Variants in TLN2 observed in about 807,000 individuals in gnomAD.
The protein encoded by TLN2 is talin 2.
Under a neutral mutation model 294.7 loss-of-function variants are expected in TLN2, and 118 were observed. The ratio of observed to expected loss-of-function variants is 0.40; its 90% confidence interval spans 0.34 to 0.47. The LOEUF (loss-of-function observed/expected upper bound fraction) is 0.47. Ranked by LOEUF, TLN2 falls within the 20% of genes least tolerant of loss-of-function variation. The pLI is 0.84. For synonymous variants in TLN2, 1,431 were observed against 1,304.5 expected, an observed-to-expected ratio of 1.10 and a Z score of -2.09; for missense variants, 3,083 against 3,282.2, an observed-to-expected ratio of 0.94 and a Z score of 1.48.
intron 11 of TLN2, among the ~76,000 whole-genome samples, chr15:62,683,533 G>A (rs970896370): frequency 2.6e-4 from 37 of 144,428 alleles, no homozygotes; most frequent in African/African-American, 8.1e-4. Context: ...GCATTCTCCC[G>A]CCTCTCATTG....
In TLN2 at chr15:62,785,650, C is replaced by CAAAAAAA. The variant is rs10681127; in HGVS notation, c.5736+1770_5736+1776dup. 1.7e-5 allele frequency among the ~76,000 whole-genome samples: 2 copies of CAAAAAAA among 120,210 alleles called. 1 individual carries two copies. The highest frequency in any genetic ancestry group is 6.4e-5 in the African/African-American group (2 of 31,044). The allele number at this position is 120,210 out of a possible 152,430, so 78.9% of individuals were successfully genotyped here. On this transcript the variant is annotated intron_variant, in intron 45 of 58. Coordinates refer to ENST00000636159, the MANE Select transcript of TLN2 (RefSeq NM_015059.3). ...TAGGCAACAGAATGAGACTCCATCTCAAAAAAAAAAAAAAAAGGGGAAGAA... is the reference window on the plus strand; with the variant it reads ...TAGGCAACAGAATGAGACTCCATCTCAAAAAAAAAAAAAAAAAAAAAAAGGGGAAGAA...
intron 52 of TLN2, among the ~76,000 whole-genome samples, chr15:62,815,645 C>T (rs2067052187): frequency 6.6e-6 from 1 of 152,112 alleles, no homozygotes; most frequent in Non-Finnish European, 1.5e-5. Flanking sequence ...GTGTCTTAGC[C>T]TTGTTCTGTT....
chr15:62,706,771 G>C (rs1487562498), intron 19 of TLN2, among the ~76,000 whole-genome samples: 1 of 152,192 alleles, frequency 6.6e-6, no homozygotes, highest in East Asian at 1.9e-4. Context: ...ACTCATTCAA[G>C]AGACGTGGTC....
chr15:62,437,037 T>A (rs983968432), intron 1 of TLN2, among the ~76,000 whole-genome samples: 1 of 152,270 alleles, frequency 6.6e-6, no homozygotes, highest in Non-Finnish European at 1.5e-5. Flanking sequence ...CCCAATTGTA[T>A]GATTTCTCTT....
chr15:62,411,121 T>C (rs2033751063), intron 1 of TLN2, among the ~76,000 whole-genome samples: 1 of 152,140 alleles, frequency 6.6e-6, no homozygotes, highest in Admixed American at 6.5e-5. Context: ...CCCTCATGGA[T>C]AGCACAGTCT....
intron 1 of TLN2, among the ~76,000 whole-genome samples, chr15:62,442,756 C>A (rs781653724): frequency 6.6e-6 from 1 of 152,084 alleles, no homozygotes; most frequent in Non-Finnish European, 1.5e-5. Context: ...CAAATTACTA[C>A]ACATTTAGTA....
rs144272087 is a variant in TLN2 at position 62,419,303 on chromosome 15, T to A, written c.-238+28618T>A. Among the ~76,000 whole-genome samples the A allele has an allele frequency of 1.8e-4, 27 of 152,328 alleles. No individual in the cohort carries two copies. In the East Asian group the frequency reaches 5.0e-3, roughly 28 times the overall value. Reference sequence around the variant, plus strand: ...GTTTTAAAACGTGGCTACTGGAAAATTTAAAATCACATACACAGCTCACAT... The same window carrying A: ...GTTTTAAAACGTGGCTACTGGAAAAATTAAAATCACATACACAGCTCACAT... On this transcript the variant is annotated intron_variant, in intron 1 of 58. Transcript: ENST00000636159.
At chr15:62,537,892 A>G (rs1446717264) in intron 1 of TLN2, among the ~76,000 whole-genome samples, 1 of 152,118 alleles carries the variant, frequency 6.6e-6, no homozygotes, top group African/African-American at 2.4e-5. Context: ...CCATTCCCTC[A>G]TTCTGCCACA....
intron 17 of TLN2, 152 bp from the exon 18 acceptor site, chr15:62,701,840 A>G (rs1056666960): frequency 8.6e-5 from 71 of 824,890 alleles, no homozygotes; most frequent in Admixed American, 1.4e-4. Context: ...CCTCGGAGAC[A>G]GGGAGCAGGC....
At chr15:62,706,964 TA>T (rs1432784047) in intron 19 of TLN2, 121 bp from the exon 20 acceptor site, 12 of 1,241,110 alleles carry the variant, frequency 9.7e-6, no homozygotes, top group Admixed American at 3.1e-5. Flanking sequence ...CAAAAAAAAG[TA>T]AAAAAACTTC....
intron 2 of TLN2, among the ~76,000 whole-genome samples, chr15:62,597,789 A>G (rs2140766684): frequency 6.6e-6 from 1 of 152,272 alleles, no homozygotes; most frequent in East Asian, 1.9e-4. Context: ...AAGTTTATTT[A>G]TGTTTTACAT....
chr15:62,538,658 G>C (rs975568628), intron 1 of TLN2, among the ~76,000 whole-genome samples: 1 of 152,158 alleles, frequency 6.6e-6, no homozygotes, highest in Non-Finnish European at 1.5e-5. Context: ...TTAATGTGCA[G>C]TTTCTAGGAG....
intron 4 of TLN2, among the ~76,000 whole-genome samples, chr15:62,649,456 C>T (rs371271091): frequency 6.1e-4 from 93 of 152,218 alleles, no homozygotes; most frequent in African/African-American, 2.0e-3. Context: ...TGGTACTGCT[C>T]CTCTCCTGCC....
chr15:62,822,850 G>A (rs2067692326), intron 54 of TLN2, among the ~76,000 whole-genome samples: 1 of 152,190 alleles, frequency 6.6e-6, no homozygotes, highest in African/African-American at 2.4e-5. Flanking sequence ...CACAGATGAA[G>A]AAAATAAGTA....
At chr15:62,537,760 A>T (rs2041445430) in intron 1 of TLN2, among the ~76,000 whole-genome samples, 1 of 152,134 alleles carries the variant, frequency 6.6e-6, no homozygotes, top group African/African-American at 2.4e-5. Flanking sequence ...GCAACTTCAA[A>T]CCTGATTGAC....
chr15:62,528,597 A>G (rs1268523608), intron 1 of TLN2, among the ~76,000 whole-genome samples: 1 of 151,494 alleles, frequency 6.6e-6, no homozygotes, highest in Non-Finnish European at 1.5e-5. Context: ...TTCCTCTGTT[A>G]GAGAAATGCA....
chr15:62,831,651 T>G (rs960857728), intron 54 of TLN2: 1 of 152,180 alleles, frequency 6.6e-6, no homozygotes, highest in Non-Finnish European at 1.5e-5. Context: ...ATGTCTGTCC[T>G]GAATACTCTT....
intron 1 of TLN2, among the ~76,000 whole-genome samples, chr15:62,449,575 T>C (rs1595830407): frequency 6.6e-6 from 1 of 152,194 alleles, no homozygotes; most frequent in East Asian, 1.9e-4. Context: ...ATCCCAGCAC[T>C]TTGGGAGGCC....
At chr15:62,601,923 G>A (rs1024363512) in intron 2 of TLN2, among the ~76,000 whole-genome samples, 1 of 152,068 alleles carries the variant, frequency 6.6e-6, no homozygotes, top group African/African-American at 2.4e-5. Context: ...ATTGGCTCCC[G>A]AGTCCTTTAG....
Sources: gnomAD v4.1 joint callset for allele counts (sites outside exome capture counted in the v4.1 genomes callset) on GRCh38, gnomAD v4.1.1 for gene constraint, MANE v1.5 for transcripts, NCBI Gene and HGNC (gene_info 2026-07-23, HGNC 2026-07-21) for gene names.